TTLL1: variants seen among roughly 807,000 people sequenced by gnomAD.
TTLL1 encodes the protein polyglutamylase complex subunit TTLL1.
TTLL1 carries 33 observed loss-of-function variants against 47.8 expected under a neutral mutation model. That is an observed-to-expected ratio of 0.69 (90% CI 0.52 to 0.92). The LOEUF is 0.92. Ranked by LOEUF, TTLL1 falls within the 40% of genes least tolerant of loss-of-function variation. The pLI, the probability that TTLL1 is intolerant of heterozygous loss-of-function variation, is 0.00. For synonymous variants in TTLL1, 225 were observed against 214.1 expected, an observed-to-expected ratio of 1.05 and a Z score of -0.45; for missense variants, 488 against 547.5, an observed-to-expected ratio of 0.89 and a Z score of 1.08.
At chr22:43,083,328 C>T (rs1401484889) in intron 1 of TTLL1, among the ~76,000 whole-genome samples, 1 of 152,062 alleles carries the variant, frequency 6.6e-6, no homozygotes, top group Non-Finnish European at 1.5e-5. Flanking sequence ...AAGATTGCAC[C>T]ACTGCAGTCC....
At chr22:43,081,146 C>T (rs563329867) in intron 1 of TTLL1, among the ~76,000 whole-genome samples, 2 of 151,916 alleles carry the variant, frequency 1.3e-5, no homozygotes, top group South Asian at 4.2e-4. Flanking sequence ...AAACTCCCGA[C>T]CTCAGGTGAT....
intron 5 of TTLL1, among the ~76,000 whole-genome samples, chr22:43,066,744 C>T (rs1927764123): frequency 1.3e-5 from 2 of 151,576 alleles, no homozygotes; most frequent in Non-Finnish European, 2.9e-5. Flanking sequence ...AATACTAGCA[C>T]TTTGGGAGGC....
At chr22:43,078,420 C>T (rs556596056) in intron 2 of TTLL1, among the ~76,000 whole-genome samples, 2 of 152,184 alleles carry the variant, frequency 1.3e-5, no homozygotes, top group Non-Finnish European at 2.9e-5. Context: ...TGCTTGAACC[C>T]GAGAGGCGGA....
intron 1 of TTLL1, among the ~76,000 whole-genome samples, chr22:43,087,537 AAAAG>A (rs1929304245): frequency 6.6e-6 from 1 of 151,264 alleles, no homozygotes; most frequent in Non-Finnish European, 1.5e-5. Flanking sequence ...AAAAAAAAAA[AAAAG>A]AAATACAGAT....
intron 9 of TTLL1, among the ~76,000 whole-genome samples, chr22:43,047,700 C>T (rs1926252714): frequency 6.6e-6 from 1 of 152,094 alleles, no homozygotes; most frequent in South Asian, 2.1e-4. Context: ...AACCCCTGAC[C>T]TCAGGGGTTC....
intron 2 of TTLL1, among the ~76,000 whole-genome samples, chr22:43,076,180 G>A (rs1928471454): frequency 6.6e-6 from 1 of 152,236 alleles, no homozygotes; most frequent in Non-Finnish European, 1.5e-5. Flanking sequence ...TCTGGACTGG[G>A]CGTGGTGGCT....
intron 2 of TTLL1, 60 bp from the exon 3 acceptor site, chr22:43,075,650 C>G (rs558991992): frequency 6.9e-7 from 1 of 1,459,224 alleles, no homozygotes; most frequent in East Asian, 2.3e-5. Context: ...CCTTTAAACC[C>G]AAGGAATCCT....
At chr22:43,063,574 C>G (rs754968945) in intron 7 of TTLL1, among the ~76,000 whole-genome samples, 2 of 151,714 alleles carry the variant, frequency 1.3e-5, no homozygotes, top group Admixed American at 6.6e-5. Context: ...AAGCGATTCT[C>G]CTGCCTCAGC....
At chr22:43,082,347 T>C (rs1296881867) in intron 1 of TTLL1, among the ~76,000 whole-genome samples, 2 of 152,124 alleles carry the variant, frequency 1.3e-5, no homozygotes, top group African/African-American at 4.8e-5. Context: ...ACAGCTACAT[T>C]TCCAGGAGAG....
chr22:43,048,269 A>G (rs1926306555), intron 9 of TTLL1, among the ~76,000 whole-genome samples: 1 of 151,770 alleles, frequency 6.6e-6, no homozygotes, highest in African/African-American at 2.4e-5. Flanking sequence ...GTGAGCTGAG[A>G]TCACGCCACT....
At chr22:43,072,689 G>A (rs769067435) in intron 3 of TTLL1, among the ~76,000 whole-genome samples, 1 of 152,088 alleles carries the variant, frequency 6.6e-6, no homozygotes, top group Non-Finnish European at 1.5e-5. Flanking sequence ...ACAGGCTGGT[G>A]TCAAACTCCT....
Position 43,081,258 on chromosome 22 carries a change from A to G in TTLL1, c.-89-1272T>C, listed in dbSNP as rs369692088. On this transcript the variant is annotated intron_variant, in intron 1 of 10. Transcript: ENST00000266254. ...GCTGTGATGTGGGCATGCGCATCAA[A>G]GCCCCCCATCCATCCTGCCTGACCT... Among the ~76,000 whole-genome samples, 4 of 151,968 alleles carry G rather than the reference A, an allele frequency of 2.6e-5. No homozygotes were observed. The East Asian group carries it at 7.7e-4, about 29-fold the overall frequency.
intron 1 of TTLL1, among the ~76,000 whole-genome samples, chr22:43,084,636 G>A (rs1929112408): frequency 6.6e-6 from 1 of 152,098 alleles, no homozygotes; most frequent in African/African-American, 2.4e-5. Context: ...CGAGTAGCCA[G>A]GACTACAGGC....
chr22:43,052,896 TA>T (rs1926740170), intron 8 of TTLL1, among the ~76,000 whole-genome samples: 1 of 151,764 alleles, frequency 6.6e-6, no homozygotes, highest in South Asian at 2.1e-4. Context: ...CCGTCTCTAC[TA>T]AAAATACAAA....
At chr22:43,041,001 A>G (rs983193321) in intron 10 of TTLL1, among the ~76,000 whole-genome samples, 1 of 151,804 alleles carries the variant, frequency 6.6e-6, no homozygotes, top group African/African-American at 2.4e-5. Flanking sequence ...TGTGGCAGGG[A>G]GCAGGCTGGG....
At chr22:43,059,339 C>A (rs748842616) in intron 8 of TTLL1, 45 bp downstream of exon 8, 1 of 1,580,544 alleles carries the variant, frequency 6.3e-7, no homozygotes, top group South Asian at 1.1e-5. Context: ...CCCCCACTCC[C>A]AAACGGGCCC....
chr22:43,069,220 CAAAAAAAA>C (rs66913313), intron 4 of TTLL1, among the ~76,000 whole-genome samples: 10 of 80,400 alleles, frequency 1.2e-4, no homozygotes, highest in African/African-American at 3.1e-4. Flanking sequence ...ACTAAAAATA[CAAAAAAAA>C]AAAAAAAAAA....
At chr22:43,085,684 T>G (rs1929186217) in intron 1 of TTLL1, among the ~76,000 whole-genome samples, 1 of 152,204 alleles carries the variant, frequency 6.6e-6, no homozygotes, top group African/African-American at 2.4e-5. Flanking sequence ...TATGTCTTTA[T>G]TAGCAGCATG....
At chr22:43,057,282 A>T (rs1031138614) in intron 8 of TTLL1, among the ~76,000 whole-genome samples, 228 of 144,740 alleles carry the variant, frequency 1.6e-3, no homozygotes, top group African/African-American at 5.0e-3. Context: ...TTAAATTAAA[A>T]AAAAAAAAAA....
Sources: allele counts gnomAD v4.1 joint callset (sites outside exome capture counted in the v4.1 genomes callset), GRCh38; gene constraint gnomAD v4.1.1; transcripts MANE v1.5; gene names NCBI Gene and HGNC (gene_info 2026-07-23, HGNC 2026-07-21).